CDH13: variants seen among roughly 807,000 people sequenced by gnomAD.
CDH13 encodes cadherin-13.
A neutral mutation model predicts 63.8 loss-of-function variants in CDH13; 24 were observed. The ratio of observed to expected loss-of-function variants is 0.38; its 90% CI spans 0.27 to 0.53. The LOEUF (loss-of-function observed/expected upper bound fraction) is 0.53. Ranked by LOEUF, CDH13 falls within the 20% of genes least tolerant of loss-of-function variation. The pLI is 0.85. For synonymous variants in CDH13, 503 were observed against 355.3 expected (o/e 1.42, Z -4.67); for missense variants, 1,049 against 903.1 (o/e 1.16, Z -2.07).
intron 1 of CDH13, among the ~76,000 whole-genome samples, chr16:82,703,834 A>T (rs2031256322): frequency 6.6e-6 from 1 of 152,116 alleles, no homozygotes; most frequent in Non-Finnish European, 1.5e-5. Context: ...TTCCTTAGGA[A>T]GCTGGTCATT....
chr16:83,189,235 C>T (rs2038621219), intron 4 of CDH13, among the ~76,000 whole-genome samples: 1 of 152,152 alleles, frequency 6.6e-6, no homozygotes, highest in East Asian at 1.9e-4. Flanking sequence ...TGTGTTTTTC[C>T]ATCATCCCAG....
chr16:83,109,277 AC>A (rs1189384408), intron 3 of CDH13, among the ~76,000 whole-genome samples: 11 of 152,086 alleles, frequency 7.2e-5, no homozygotes, highest in Non-Finnish European at 1.0e-4. Context: ...GGACTTGGCA[AC>A]CGCTCGTGAG....
intron 4 of CDH13, among the ~76,000 whole-genome samples, chr16:83,176,939 C>T (rs2038151588): frequency 1.3e-5 from 2 of 152,186 alleles, no homozygotes; most frequent in South Asian, 4.2e-4. Flanking sequence ...AGGAGAATGT[C>T]ACCCTAGGAA....
At chr16:82,718,409 T>G (rs2032534181) in intron 1 of CDH13, among the ~76,000 whole-genome samples, 2 of 152,110 alleles carry the variant, frequency 1.3e-5, no homozygotes, top group Non-Finnish European at 2.9e-5. Context: ...CCCGGGCAGG[T>G]GACCTCTGAA....
intron 7 of CDH13, among the ~76,000 whole-genome samples, chr16:83,541,528 G>C (rs1567750136): frequency 1.3e-5 from 2 of 152,128 alleles, no homozygotes; most frequent in African/African-American, 4.8e-5. Context: ...CAGTTAGGCA[G>C]GGCCATGAAA....
chr16:82,791,168 C>T (rs2036278137), intron 1 of CDH13, among the ~76,000 whole-genome samples: 1 of 147,136 alleles, frequency 6.8e-6, no homozygotes, highest in Non-Finnish European at 1.5e-5. Context: ...ACCCGGGAGG[C>T]GGAGCTTGCC....
chr16:83,667,137 A>G (rs1242693188), intron 8 of CDH13, among the ~76,000 whole-genome samples: 1 of 152,044 alleles, frequency 6.6e-6, no homozygotes, highest in East Asian at 1.9e-4. Flanking sequence ...GGATAAATAG[A>G]TAGATGGATG....
At position 82,896,770 on chromosome 16, in the gene CDH13, C is replaced by CTTT. The variant is rs71382855; in HGVS notation, c.157+38323_157+38325dup. Among the ~76,000 whole-genome samples, 31 of 55,554 alleles carry CTTT rather than the reference C, an allele frequency of 5.6e-4. 1 individual carries two copies. Among genetic ancestry groups the CTTT allele is most frequent in the African/African-American group, 1.5e-3 (18 of 12,322 alleles). 36.4% of individuals were successfully genotyped at this position (55,554 alleles called of 152,430 possible). A position where few individuals can be genotyped will look rare whatever the true frequency, so the allele number is the denominator to read the frequency against. ...AATTATTTTAGACTGCTGTGCAATT[C>CTTT]TTTTTTTTTTTTTTTTTTTTTTTTT... On this transcript the variant is annotated intron_variant, in intron 2 of 13. Transcript: ENST00000567109.
chr16:82,774,708 T>C (rs1382899628), intron 1 of CDH13, among the ~76,000 whole-genome samples: 1 of 152,204 alleles, frequency 6.6e-6, no homozygotes, highest in African/African-American at 2.4e-5. Flanking sequence ...GTGTGCTCAC[T>C]GTATCCACCA....
At chr16:83,031,647 G>T (rs995335681) in intron 2 of CDH13, among the ~76,000 whole-genome samples, 2 of 151,838 alleles carry the variant, frequency 1.3e-5, no homozygotes, top group Non-Finnish European at 2.9e-5. Context: ...TCTCCTCAAT[G>T]GTCCTGAGCA....
intron 6 of CDH13, among the ~76,000 whole-genome samples, chr16:83,426,963 G>T (rs941538416): frequency 9.0e-6 from 1 of 111,102 alleles, no homozygotes. Flanking sequence ...CGCTTGCTCT[G>T]TCGCCCAGGC....
chr16:83,328,123 C>G (rs1461378524), intron 5 of CDH13, among the ~76,000 whole-genome samples: 2 of 136,170 alleles, frequency 1.5e-5, no homozygotes, highest in African/African-American at 5.5e-5. Context: ...ACAGTATTGT[C>G]AAAAAAAAAA....
intron 6 of CDH13, among the ~76,000 whole-genome samples, chr16:83,456,761 A>C (rs1451608253): frequency 1.3e-5 from 2 of 152,206 alleles, no homozygotes; most frequent in African/African-American, 2.4e-5. Flanking sequence ...CAGGAGTTCG[A>C]GACCAGCCTG....
intron 7 of CDH13, among the ~76,000 whole-genome samples, chr16:83,588,844 C>T (rs902449367): frequency 5.3e-5 from 8 of 152,280 alleles, no homozygotes; most frequent in South Asian, 2.1e-4. Context: ...GGCAGGTGGG[C>T]GAGGAATGAG....
chr16:83,525,647 T>C (rs2074943578), intron 7 of CDH13, among the ~76,000 whole-genome samples: 1 of 152,184 alleles, frequency 6.6e-6, no homozygotes, highest in Admixed American at 6.5e-5. Context: ...GTCCATGCTT[T>C]AGTGCCCCAG....
chr16:83,394,753 A>G, intron 6 of CDH13, among the ~76,000 whole-genome samples: 1 of 152,274 alleles, frequency 6.6e-6, no homozygotes, highest in Non-Finnish European at 1.5e-5. Flanking sequence ...ATTGAGCCAG[A>G]CTGGTAGCAA....
chr16:82,838,686 C>T (rs1357894539), intron 1 of CDH13, among the ~76,000 whole-genome samples: 3 of 152,164 alleles, frequency 2.0e-5, no homozygotes, highest in Admixed American at 6.5e-5. Flanking sequence ...TTTGTTTATA[C>T]TCAAAGTCAT....
intron 10 of CDH13, among the ~76,000 whole-genome samples, chr16:83,734,090 T>A (rs1320793543): frequency 6.6e-6 from 1 of 151,960 alleles, no homozygotes; most frequent in African/African-American, 2.4e-5. Context: ...CTCCAAATCA[T>A]GAACCAAAAA....
intron 7 of CDH13, among the ~76,000 whole-genome samples, chr16:83,597,119 G>T (rs1328237068): frequency 1.3e-5 from 2 of 152,162 alleles, no homozygotes; most frequent in Non-Finnish European, 2.9e-5. Context: ...GCTACTTGGG[G>T]TGCTAAGTTG....
Sources: gnomAD v4.1 joint callset for allele counts (sites outside exome capture counted in the v4.1 genomes callset) on GRCh38, gnomAD v4.1.1 for gene constraint, MANE v1.5 for transcripts, NCBI Gene and HGNC (gene_info 2026-07-23, HGNC 2026-07-21) for gene names.